Variants in ZCCHC2 observed in about 807,000 individuals in gnomAD.
The protein encoded by ZCCHC2 is zinc finger CCHC domain-containing protein 2.
ZCCHC2 carries 39 observed loss-of-function variants against 103.6 expected under a neutral mutation model. That is an observed-to-expected ratio of 0.38 (90% CI 0.29 to 0.49). ZCCHC2 has a LOEUF of 0.49. Ranked by LOEUF, ZCCHC2 falls within the 20% of genes least tolerant of loss-of-function variation. The pLI, the probability that ZCCHC2 is intolerant of heterozygous loss-of-function variation, is 0.96. For missense variants in ZCCHC2, 1,483 were observed against 1,491.0 expected (o/e 0.99, Z 0.09); for synonymous variants, 687 against 608.9 (o/e 1.13, Z -1.89).
intron 12 of ZCCHC2, among the ~76,000 whole-genome samples, chr18:62,570,563 G>A (rs1377330661): frequency 2.6e-5 from 4 of 152,122 alleles, no homozygotes; most frequent in East Asian, 1.9e-4. Flanking sequence ...ACGTCCTCTC[G>A]ATTGATTGAC....
rs1916694009 is a variant in ZCCHC2 at position 62,573,962 on chromosome 18, C to T, written c.1976-95C>T. The T allele has an allele frequency of 4.6e-6, 6 of 1,297,854 alleles. No homozygotes were observed. The Admixed American group carries it at 8.2e-5, about 18-fold the overall frequency. The allele number at this position is 1,297,854 out of a possible 1,614,324, so 80.4% of individuals were successfully genotyped here. ...GAAACATAGAGGGACACTTTCCAAA[C>T]TTGAGTTACTTTGAGGTATACTCAA... On this transcript the variant is annotated intron_variant, in intron 12 of 13. Coordinates refer to ENST00000269499, the MANE Select transcript of ZCCHC2 (RefSeq NM_017742.6).
chr18:62,575,860 TTAAGCTACAATCCTGTTTCATAGAG>T (rs1268665458), intron 13 of ZCCHC2, among the ~76,000 whole-genome samples: 2 of 152,174 alleles, frequency 1.3e-5, no homozygotes. Context: ...CTTTTTTTTT[TTAAGCTACAATCCTGTTTCATAGAG>T]TAAGCAAAAT....
At position 62,577,340 on chromosome 18, in the gene ZCCHC2, A is replaced by ATCC. The variant is rs1366161096; in HGVS notation, c.*763_*765dup. On this transcript the variant is annotated 3_prime_UTR_variant, in exon 14 of 14. Transcript: ENST00000269499. ...CTGAAACCAACTTTTTACTTCCATC[A>ATCC]TCCTTTTTTAGCCTGTTGCTTCAGA... 6.6e-6 allele frequency: 1 copy of ATCC among 152,256 alleles called. No individual in the cohort carries two copies. The highest frequency in any genetic ancestry group is 1.9e-4 in the East Asian group (1 of 5,204). 9.4% of individuals were successfully genotyped at this position (152,256 alleles called of 1,614,324 possible). A position where few individuals can be genotyped will look rare whatever the true frequency, so the allele number is the denominator to read the frequency against.
chr18:62,579,062 C>G (rs2121911235), downstream of ZCCHC2, among the ~76,000 whole-genome samples: 1 of 152,290 alleles, frequency 6.6e-6, no homozygotes, highest in African/African-American at 2.4e-5. Flanking sequence ...GCCTCCATGC[C>G]CGGCCTCCCA....
intron 4 of ZCCHC2, among the ~76,000 whole-genome samples, chr18:62,549,746 T>C (rs1040272006): frequency 3.9e-5 from 6 of 152,218 alleles, no homozygotes; most frequent in Admixed American, 3.9e-4. Context: ...TCTAGCACAT[T>C]GCTCTGAGGG....
chr18:62,560,740 G>A (rs2145518999), intron 8 of ZCCHC2, 96 bp downstream of exon 8: 4 of 976,166 alleles, frequency 4.1e-6, no homozygotes, highest in East Asian at 5.4e-5. Context: ...CTATAATTCT[G>A]TCATTTTGCT....
At chr18:62,548,661 G>A (rs963155197) in intron 4 of ZCCHC2, among the ~76,000 whole-genome samples, 14 of 152,188 alleles carry the variant, frequency 9.2e-5, no homozygotes, top group Non-Finnish European at 1.8e-4. Context: ...AGTGGCTCAC[G>A]CCTGTAATCC....
intron 11 of ZCCHC2, among the ~76,000 whole-genome samples, chr18:62,565,618 G>A (rs184204157): frequency 6.6e-6 from 1 of 151,190 alleles, no homozygotes; most frequent in African/African-American, 2.4e-5. Context: ...TTTATTTTTA[G>A]GTTCAAGGTT....
At chr18:62,544,379 G>C (rs1327870643) in intron 3 of ZCCHC2, among the ~76,000 whole-genome samples, 1 of 152,128 alleles carries the variant, frequency 6.6e-6, no homozygotes, top group Non-Finnish European at 1.5e-5. Context: ...TACCAAAGAA[G>C]GCAGTAAACT....
intron 1 of ZCCHC2, among the ~76,000 whole-genome samples, chr18:62,536,588 G>A (rs994634807): frequency 6.6e-6 from 1 of 152,178 alleles, no homozygotes; most frequent in Non-Finnish European, 1.5e-5. Flanking sequence ...AAGAGGGAGT[G>A]CAGGGCAGAC....
chr18:62,524,677 A>AC (rs1448811008), intron 1 of ZCCHC2: 1 of 378,676 alleles, frequency 2.6e-6, no homozygotes, highest in African/African-American at 2.1e-5. Context: ...TCGGAGGAAA[A>AC]GTGTCGGGAC....
intron 1 of ZCCHC2, among the ~76,000 whole-genome samples, chr18:62,536,376 CAG>C (rs1164845365): frequency 3.9e-5 from 6 of 152,218 alleles, no homozygotes; most frequent in Admixed American, 1.3e-4. Context: ...TTGATACAAA[CAG>C]AGAAAAATCC....
chr18:62,528,793 G>C (rs920158963), intron 1 of ZCCHC2, among the ~76,000 whole-genome samples: 1 of 152,138 alleles, frequency 6.6e-6, no homozygotes, highest in Non-Finnish European at 1.5e-5. Context: ...ATCCTAGTGA[G>C]AGAGTAACTG....
At chr18:62,556,412 ACATTTTTAATGT>A in intron 6 of ZCCHC2, 115 bp downstream of exon 6, 3 of 762,028 alleles carry the variant, frequency 3.9e-6, no homozygotes, top group Middle Eastern at 2.4e-4. Flanking sequence ...ATAGTGACAT[ACATTTTTAATGT>A]CATTTTTAAT....
chr18:62,571,324 AT>A (rs1356982607), intron 12 of ZCCHC2, among the ~76,000 whole-genome samples: 4 of 152,180 alleles, frequency 2.6e-5, no homozygotes, highest in South Asian at 2.1e-4. Context: ...GTTTGCACTG[AT>A]TTCAGAAAGT....
chr18:62,579,459 G>T (rs144441534), downstream of ZCCHC2, among the ~76,000 whole-genome samples: 1,647 of 152,330 alleles, frequency 0.011, 29 homozygotes, highest in African/African-American at 0.037. Context: ...ACCGTCCTGG[G>T]CCTTGGCTCT....
At chr18:62,582,134 A>G (rs189761993), downstream of ZCCHC2, among the ~76,000 whole-genome samples, 3 of 152,358 alleles carry the variant, frequency 2.0e-5, no homozygotes, top group African/African-American at 7.2e-5. Flanking sequence ...GTTGAATGAA[A>G]AATGGGAAGT....
chr18:62,547,722 C>T (rs989792578), intron 4 of ZCCHC2, among the ~76,000 whole-genome samples: 10 of 151,844 alleles, frequency 6.6e-5, no homozygotes, highest in South Asian at 4.2e-4. Context: ...CCACCACACC[C>T]GGCTAATTTT....
At chr18:62,558,158 T>C (rs1177897472) in intron 6 of ZCCHC2, among the ~76,000 whole-genome samples, 2 of 152,202 alleles carry the variant, frequency 1.3e-5, no homozygotes, top group African/African-American at 2.4e-5. Context: ...GGAGTCCTGC[T>C]GGCCTGTATT....
Sources: allele counts gnomAD v4.1 joint callset (sites outside exome capture counted in the v4.1 genomes callset), GRCh38; gene constraint gnomAD v4.1.1; transcripts MANE v1.5; gene names NCBI Gene and HGNC (gene_info 2026-07-23, HGNC 2026-07-21).